SLC9C1: variants seen among roughly 807,000 people sequenced by gnomAD.
SLC9C1 encodes the protein solute carrier family 9 member C1.
In SLC9C1, 97 loss-of-function variants were observed where a neutral mutation model predicts 140.9. The observed-to-expected ratio is 0.69, with a 90% CI of 0.58 to 0.82. The LOEUF (loss-of-function observed/expected upper bound fraction) is 0.82. SLC9C1 is among the 40% of genes least tolerant of loss of function. SLC9C1 has a pLI of 0.00. For synonymous variants in SLC9C1, 440 were observed against 442.6 expected, an observed-to-expected ratio of 0.99 and a Z score of 0.07; for missense variants, 1,340 against 1,389.3, an observed-to-expected ratio of 0.96 and a Z score of 0.56.
intron 28 of SLC9C1, among the ~76,000 whole-genome samples, chr3:112,150,789 TATACATATATATATATATATAA>T (rs1248346546): frequency 7.3e-5 from 2 of 27,570 alleles, no homozygotes; most frequent in Non-Finnish European, 1.8e-4. Flanking sequence ...TATAAATACA[TATACATATATATATATATATAA>T]ATACATATAC....
intron 12 of SLC9C1, among the ~76,000 whole-genome samples, chr3:112,237,707 T>C (rs1007491678): frequency 5.3e-5 from 8 of 152,222 alleles, no homozygotes; most frequent in African/African-American, 1.9e-4. Flanking sequence ...ATTTCTCCTT[T>C]GCTTATGAAG....
At chr3:112,162,622 C>G (rs1228509829) in intron 26 of SLC9C1, among the ~76,000 whole-genome samples, 40 of 152,120 alleles carry the variant, frequency 2.6e-4, no homozygotes, top group Admixed American at 2.6e-3. Context: ...GGATGAAGCC[C>G]ACTTGACCAT....
At chr3:112,205,839 T>C (rs1357177536) in intron 16 of SLC9C1, among the ~76,000 whole-genome samples, 3 of 125,964 alleles carry the variant, frequency 2.4e-5, no homozygotes, top group African/African-American at 8.8e-5. Context: ...TTACACCTTA[T>C]ACAAAAATCA....
At chr3:112,245,214 C>T (rs1243774425) in intron 10 of SLC9C1, among the ~76,000 whole-genome samples, 1 of 152,116 alleles carries the variant, frequency 6.6e-6, no homozygotes, top group Non-Finnish European at 1.5e-5. Flanking sequence ...ATTTGCATTT[C>T]CTTAGAGTAG....
chr3:112,213,051 T>G (rs1379104997), intron 15 of SLC9C1, among the ~76,000 whole-genome samples: 1 of 152,198 alleles, frequency 6.6e-6, no homozygotes, highest in Non-Finnish European at 1.5e-5. Context: ...GGGCCAATAT[T>G]CAACATTCTT....
At chr3:112,218,405 C>T (rs977612044) in intron 14 of SLC9C1, among the ~76,000 whole-genome samples, 11 of 150,320 alleles carry the variant, frequency 7.3e-5, no homozygotes, top group African/African-American at 2.7e-4. Flanking sequence ...CTTGCCCTTT[C>T]TATGAATTAT....
chr3:112,162,735 T>G (rs6796080), intron 26 of SLC9C1, among the ~76,000 whole-genome samples: 58,363 of 147,180 alleles, frequency 0.4, 11,954 homozygotes, highest in East Asian at 0.62. Flanking sequence ...AAATTCTCTT[T>G]TTTGGTTGTG....
intron 1 of SLC9C1, among the ~76,000 whole-genome samples, chr3:112,293,290 AT>A (rs2080741948): frequency 6.6e-6 from 1 of 151,584 alleles, no homozygotes. Flanking sequence ...ATATATATAT[AT>A]ATATATCTCT....
intron 17 of SLC9C1, among the ~76,000 whole-genome samples, chr3:112,203,858 T>C (rs1276797933): frequency 1.3e-5 from 2 of 151,998 alleles, no homozygotes; most frequent in Non-Finnish European, 2.9e-5. Flanking sequence ...TATAAATAGT[T>C]TGCATGGTTG....
At chr3:112,181,992 A>C (rs931474323) in intron 21 of SLC9C1, 141 bp downstream of exon 21, 19 of 789,326 alleles carry the variant, frequency 2.4e-5, no homozygotes, top group East Asian at 9.6e-5. Context: ...CATATTATTC[A>C]AAAGGATTTT....
intron 16 of SLC9C1, among the ~76,000 whole-genome samples, chr3:112,206,747 A>T (rs2078062196): frequency 6.6e-6 from 1 of 152,078 alleles, no homozygotes; most frequent in Admixed American, 6.6e-5. Context: ...ACAAGGACAG[A>T]AAACCAAACA....
chr3:112,237,440 C>G (rs1056041242), intron 12 of SLC9C1, among the ~76,000 whole-genome samples: 4 of 152,124 alleles, frequency 2.6e-5, no homozygotes, highest in Admixed American at 6.5e-5. Context: ...TTAATTGGAG[C>G]ATTTAGCCCA....
intron 23 of SLC9C1, among the ~76,000 whole-genome samples, chr3:112,178,167 T>C (rs1430826681): frequency 6.6e-6 from 1 of 151,218 alleles, no homozygotes; most frequent in Non-Finnish European, 1.5e-5. Context: ...AGAGACAGAG[T>C]CTGGCTCTGT....
chr3:112,285,659 G>A (rs577695464), intron 2 of SLC9C1, among the ~76,000 whole-genome samples: 5 of 152,188 alleles, frequency 3.3e-5, no homozygotes, highest in Non-Finnish European at 5.9e-5. Context: ...TCCTTGCGTG[G>A]AAAACAAGCA....
At position 112,182,354 on chromosome 3, in the gene SLC9C1, A is replaced by G. The variant is rs1466696208; in HGVS notation, c.2524-96T>C. On this transcript the variant is annotated intron_variant, in intron 20 of 28. Coordinates refer to ENST00000305815, the MANE Select transcript of SLC9C1 (RefSeq NM_183061.3). ...TTTGTACTATTTCCTATTCTTGATCATTTGACATTTTTCTTCTTCCATGAA... is the reference window on the plus strand; with the variant it reads ...TTTGTACTATTTCCTATTCTTGATCGTTTGACATTTTTCTTCTTCCATGAA... The G allele has an allele frequency of 2.4e-6, 3 of 1,267,626 alleles. No individual in the cohort carries two copies. The African/African-American group carries it at 4.6e-5, about 19-fold the overall frequency. 78.5% of individuals were successfully genotyped at this position (1,267,626 alleles called of 1,614,324 possible).
rs1428923379 is a variant in SLC9C1 at position 112,278,761 on chromosome 3, C to G, written c.286G>C (p.Asp96His). The G allele has an allele frequency of 1.2e-6, 2 of 1,610,164 alleles. No homozygotes were observed. Among genetic ancestry groups the G allele is most frequent in the South Asian group, 1.1e-5 (1 of 90,564 alleles). Residue 96 changes from aspartate to histidine, a missense_variant, in exon 4 of 29, where the codon GAT becomes CAT. Physicochemically the swap from Asp to His is moderately conservative, Grantham distance 81. Transcript: ENST00000305815. ...AATAACTTTTGAAGCATGTACGTAT[C>G]CATGTCAAATGCAGTAGTAAAGAAA... ...VVFFTTAFDMDTYMLQKLFWQ... is the reference protein window; with the variant it reads ...VVFFTTAFDMHTYMLQKLFWQ...
chr3:112,226,638 C>A (rs1359445229), intron 13 of SLC9C1, among the ~76,000 whole-genome samples: 2 of 152,008 alleles, frequency 1.3e-5, no homozygotes, highest in Admixed American at 1.3e-4. Context: ...AGGAGAATTG[C>A]TTGAATCCAG....
At chr3:112,282,099 C>T (rs576041063) in intron 2 of SLC9C1, among the ~76,000 whole-genome samples, 1 of 152,300 alleles carries the variant, frequency 6.6e-6, no homozygotes, top group East Asian at 1.9e-4. Flanking sequence ...ACAAACTTTA[C>T]ACCTGAGAGG....
chr3:112,212,552 G>A (rs1333980056), intron 15 of SLC9C1, among the ~76,000 whole-genome samples: 1 of 152,162 alleles, frequency 6.6e-6, no homozygotes, highest in East Asian at 1.9e-4. Context: ...AGAACTACAT[G>A]ATGAATGCAC....
Sources: gnomAD v4.1 joint callset for allele counts (sites outside exome capture counted in the v4.1 genomes callset) on GRCh38, gnomAD v4.1.1 for gene constraint, MANE v1.5 for transcripts, NCBI Gene and HGNC (gene_info 2026-07-23, HGNC 2026-07-21) for gene names.